The following ZBTB20 variants were observed in gnomAD, a reference collection of about 807,000 sequenced individuals.
The protein encoded by ZBTB20 is zinc finger and BTB domain containing 20, also known as zinc finger and BTB domain-containing protein 20.
A neutral mutation model predicts 56.9 loss-of-function variants in ZBTB20; 9 were observed. That is an observed-to-expected ratio of 0.16 (90% CI 0.10 to 0.28). The LOEUF (loss-of-function observed/expected upper bound fraction) is 0.28, where lower values mean the gene tolerates loss of function less well. Ranked by LOEUF, ZBTB20 falls within the 10% of genes least tolerant of loss-of-function variation. The probability of loss-of-function intolerance (pLI) is 1.00; values close to 1 mark genes in which losing one functional copy is unlikely to be tolerated. For missense variants in ZBTB20, 655 were observed against 1,003.0 expected, an observed-to-expected ratio of 0.65 and a Z score of 4.69; for synonymous variants, 417 against 420.7, an observed-to-expected ratio of 0.99 and a Z score of 0.11.
intron 1 of ZBTB20, among the ~76,000 whole-genome samples, chr3:115,082,047 T>C (rs2082815125): frequency 6.6e-6 from 1 of 152,206 alleles, no homozygotes; most frequent in Non-Finnish European, 1.5e-5. Flanking sequence ...AATGGCACAT[T>C]GGCAAAAGAC....
intron 7 of ZBTB20, among the ~76,000 whole-genome samples, chr3:114,486,830 T>A: frequency 6.6e-6 from 1 of 152,140 alleles, no homozygotes; most frequent in East Asian, 1.9e-4. Context: ...TATCGAAGTG[T>A]GAGAGGTAAG....
chr3:115,119,327 CAT>C (rs964635738), intron 1 of ZBTB20, among the ~76,000 whole-genome samples: 1 of 152,088 alleles, frequency 6.6e-6, no homozygotes, highest in African/African-American at 2.4e-5. Flanking sequence ...CTTTTGTACT[CAT>C]CACTAAAATG....
chr3:114,420,404 T>A (rs1460202477), intron 7 of ZBTB20, among the ~76,000 whole-genome samples: 1 of 152,182 alleles, frequency 6.6e-6, no homozygotes, highest in Non-Finnish European at 1.5e-5. Flanking sequence ...CCATTGCGAC[T>A]GGCAGTCTGG....
chr3:115,001,729 T>G (rs979942370), intron 2 of ZBTB20, among the ~76,000 whole-genome samples: 27 of 151,568 alleles, frequency 1.8e-4, no homozygotes, highest in African/African-American at 6.0e-4. Context: ...TACAAAACTC[T>G]GATCAAAGGT....
intron 6 of ZBTB20, among the ~76,000 whole-genome samples, chr3:114,623,112 A>C (rs969820057): frequency 8.5e-5 from 13 of 152,198 alleles, no homozygotes; most frequent in African/African-American, 2.7e-4. Context: ...AGAAGATGAG[A>C]AAACCCAGTA....
intron 1 of ZBTB20, among the ~76,000 whole-genome samples, chr3:115,142,259 C>T (rs1241184373): frequency 6.6e-6 from 1 of 152,102 alleles, no homozygotes; most frequent in Non-Finnish European, 1.5e-5. Flanking sequence ...TAAATATATA[C>T]TCACACACAC....
intron 7 of ZBTB20, among the ~76,000 whole-genome samples, chr3:114,439,389 G>C (rs746183274): frequency 2.0e-5 from 3 of 152,058 alleles, no homozygotes; most frequent in Non-Finnish European, 4.4e-5. Flanking sequence ...TCATAGCCTA[G>C]CAGAAACTCC....
At chr3:114,545,222 G>T (rs1355747207) in intron 6 of ZBTB20, among the ~76,000 whole-genome samples, 1 of 152,160 alleles carries the variant, frequency 6.6e-6, no homozygotes, top group East Asian at 1.9e-4. Context: ...ATGATTTATG[G>T]AGTTCTGTAT....
chr3:114,350,852 G>T lies in ZBTB20; in HGVS notation c.1226C>A (p.Pro409His), dbSNP rs2080604209. ...ARDSQAEPTQ[P>H]EQAAEAPAEG... The stretch of plus-strand genomic sequence containing the variant: ...AGCGGGGGCTTCTGCAGCCTGCTCG[G>T]GTTGGGTGGGTTCAGCCTGGCTGTC... The change falls in exon 11 of 12, where the codon CCC (proline) becomes CAC (histidine). Residue 409 changes from proline to histidine, a missense_variant. Around this residue, in one of 10 missense-constraint regions of ZBTB20, gnomAD observed 156 missense variants for 181.0 expected, o/e 0.86. Coordinates refer to ENST00000675478, the MANE Select transcript of ZBTB20 (RefSeq NM_001348800.3). 1 of 1,611,264 alleles carries T rather than the reference G, an allele frequency of 6.2e-7. No homozygotes were observed. The highest frequency in any genetic ancestry group is 1.1e-5 in the South Asian group (1 of 91,080).
At chr3:114,799,667 AC>A (rs2071577050) in intron 5 of ZBTB20, among the ~76,000 whole-genome samples, 1 of 151,946 alleles carries the variant, frequency 6.6e-6, no homozygotes, top group Admixed American at 6.6e-5. Context: ...TAGAGACCTT[AC>A]TGTCTGTGGG....
intron 8 of ZBTB20, among the ~76,000 whole-genome samples, chr3:114,382,057 T>G (rs375177386): frequency 7.2e-5 from 11 of 152,224 alleles, no homozygotes; most frequent in East Asian, 5.8e-4. Context: ...ACTCCTTTAT[T>G]AAAACCAATG....
chr3:114,738,483 G>A (rs368710422), intron 5 of ZBTB20, among the ~76,000 whole-genome samples: 3 of 152,202 alleles, frequency 2.0e-5, no homozygotes, highest in East Asian at 3.9e-4. Flanking sequence ...TCTTTCATAT[G>A]ACAAAAATTT....
chr3:114,567,692 C>T (rs1020050775), intron 6 of ZBTB20, among the ~76,000 whole-genome samples: 4 of 152,278 alleles, frequency 2.6e-5, no homozygotes, highest in Non-Finnish European at 5.9e-5. Flanking sequence ...TACAAAACCC[C>T]CTCGCTTGCC....
chr3:114,833,067 A>G (rs990800712), intron 4 of ZBTB20, among the ~76,000 whole-genome samples: 6 of 152,306 alleles, frequency 3.9e-5, no homozygotes, highest in Admixed American at 2.6e-4. Context: ...TAGAAATCCT[A>G]GAAAAATCAA....
intron 7 of ZBTB20, among the ~76,000 whole-genome samples, chr3:114,499,128 T>G (rs1250817050): frequency 1.3e-5 from 2 of 152,126 alleles, no homozygotes; most frequent in African/African-American, 4.8e-5. Context: ...ATTGACATCC[T>G]CCAAAGCATT....
At chr3:114,959,712 T>A (rs1168769573) in intron 3 of ZBTB20, among the ~76,000 whole-genome samples, 1 of 115,796 alleles carries the variant, frequency 8.6e-6, no homozygotes, top group Non-Finnish European at 1.8e-5. Context: ...CATCTATATT[T>A]ATATACATAC....
At chr3:114,369,766 G>A (rs1163593017) in intron 10 of ZBTB20, among the ~76,000 whole-genome samples, 1 of 152,164 alleles carries the variant, frequency 6.6e-6, no homozygotes, top group Non-Finnish European at 1.5e-5. Flanking sequence ...TAATTACAGA[G>A]CTACCTGAAT....
intron 7 of ZBTB20, among the ~76,000 whole-genome samples, chr3:114,403,882 C>T (rs1432293394): frequency 1.3e-5 from 2 of 152,006 alleles, no homozygotes; most frequent in East Asian, 1.9e-4. Context: ...GTTGTGTGAC[C>T]TTGGGCAAGT....
At chr3:114,467,886 G>A (rs1292684178) in intron 7 of ZBTB20, among the ~76,000 whole-genome samples, 3 of 152,150 alleles carry the variant, frequency 2.0e-5, no homozygotes, top group Non-Finnish European at 4.4e-5. Context: ...TGTGCTAAAC[G>A]CTGGGATCAG....
Sources: allele counts gnomAD v4.1 joint callset (sites outside exome capture counted in the v4.1 genomes callset), GRCh38; gene constraint gnomAD v4.1.1; regional missense constraint gnomAD v4.1.1; transcripts MANE v1.5; gene names NCBI Gene and HGNC (gene_info 2026-07-23, HGNC 2026-07-21).